The following RARG variants were observed in gnomAD, a reference collection of about 807,000 sequenced individuals.
RARG encodes RAR-gamma.
In RARG, 17 loss-of-function variants were observed where a neutral mutation model predicts 43.7. The ratio of observed to expected loss-of-function variants is 0.39; its 90% CI spans 0.27 to 0.58. RARG has a LOEUF of 0.58. RARG is among the 20% of genes least tolerant of loss of function. The probability of loss-of-function intolerance (pLI) is 0.57; values close to 1 mark genes in which losing one functional copy is unlikely to be tolerated. For missense variants in RARG, 346 were observed against 598.7 expected, an observed-to-expected ratio of 0.58 and a Z score of 4.40; for synonymous variants, 238 against 236.4, an observed-to-expected ratio of 1.01 and a Z score of -0.06.
At position 53,215,167 on chromosome 12, in the gene RARG, G is replaced by GA. The variant is rs1428016097; in HGVS notation, c.475+125dup. ...CTAATCAAATAAGACTGGCCTGGGA[G>GA]AAGGCAGCACCCCAGGGCAGGCCAA... On this transcript the variant is annotated intron_variant, in intron 5 of 9. Transcript: ENST00000425354. The surrounding 1 kb of genome is among the most constrained non-coding windows in gnomAD (Gnocchi z 6.4). The GA allele has an allele frequency of 1.5e-5, 18 of 1,200,270 alleles. No homozygotes were observed. The East Asian group carries it at 4.4e-4, about 29-fold the overall frequency. The allele number at this position is 1,200,270 out of a possible 1,614,324, so 74.4% of individuals were successfully genotyped here. A position where few individuals can be genotyped will look rare whatever the true frequency, so the allele number is the denominator to read the frequency against.
intron 1 of RARG, chr12:53,231,687 G>A: frequency 5.6e-6 from 1 of 178,974 alleles, no homozygotes; most frequent in East Asian, 1.4e-4. Flanking sequence ...ATATAAGGAG[G>A]AATGCCCCCT....
Position 53,213,994 on chromosome 12 carries a change from C to A in RARG, c.813+65G>T. Reference sequence around the variant, plus strand: ...AGGGTAAGGAAATCTTTGCATGGATCAAGGAATTGTTGAGGGTCCCATATG... The same window carrying A: ...AGGGTAAGGAAATCTTTGCATGGATAAAGGAATTGTTGAGGGTCCCATATG... On this transcript the variant is annotated intron_variant, in intron 7 of 9. Transcript: ENST00000425354. The surrounding 1 kb of genome is among the most constrained non-coding windows in gnomAD (Gnocchi z 4.7). 6.6e-7 allele frequency: 1 copy of A among 1,519,018 alleles called. No individual in the cohort carries two copies. Among genetic ancestry groups the A allele is most frequent in the South Asian group, 1.2e-5 (1 of 82,926 alleles). The allele number at this position is 1,519,018 out of a possible 1,614,324, so 94.1% of individuals were successfully genotyped here.
intron 7 of RARG, 30 bp downstream of exon 7, chr12:53,214,029 C>G (rs1289789414): frequency 6.3e-7 from 1 of 1,594,194 alleles, no homozygotes. Flanking sequence ...GTGGGTCGGG[C>G]TGTGGCAGGA....
intron 2 of RARG, chr12:53,229,751 G>C (rs1348628052): frequency 6.1e-6 from 1 of 162,644 alleles, no homozygotes; most frequent in Non-Finnish European, 1.3e-5. Flanking sequence ...AGCTACTAGA[G>C]GACTCCCCCA....
chr12:53,211,472 C>T lies in RARG; in HGVS notation c.*204G>A. On this transcript the variant is annotated 3_prime_UTR_variant, in exon 10 of 10. Coordinates refer to ENST00000425354, the MANE Select transcript of RARG (RefSeq NM_000966.6). The surrounding 1 kb of genome is among the most constrained non-coding windows in gnomAD (Gnocchi z 4.6). ...TCTCCTGGTGGGAGCAGGGCAGGCCCCCGGGACTGGCGAGGGAGCCGGTTA... is the reference window on the plus strand; with the variant it reads ...TCTCCTGGTGGGAGCAGGGCAGGCCTCCGGGACTGGCGAGGGAGCCGGTTA... 2.2e-6 allele frequency: 1 copy of T among 463,090 alleles called. No homozygotes were observed. Among genetic ancestry groups the T allele is most frequent in the South Asian group, 4.6e-5 (1 of 21,512 alleles). 28.7% of individuals were successfully genotyped at this position (463,090 alleles called of 1,614,324 possible).
chr12:53,231,495 C>T (rs2120752300), intron 1 of RARG: 1 of 152,402 alleles, frequency 6.6e-6, no homozygotes, highest in South Asian at 2.1e-4. Context: ...GAGGGCCAGG[C>T]TCACTTGCCT....
chr12:53,223,549 T>A (rs1943035772), intron 3 of RARG, among the ~76,000 whole-genome samples: 1 of 126,478 alleles, frequency 7.9e-6, no homozygotes. Flanking sequence ...AGAGGTTTCC[T>A]GTTGCAATCA....
chr12:53,217,978 TATTAC>T (rs1942825227), intron 3 of RARG, among the ~76,000 whole-genome samples: 1 of 151,940 alleles, frequency 6.6e-6, no homozygotes, highest in South Asian at 2.1e-4. Context: ...AAAGCAGGCA[TATTAC>T]AATGGGATCC....
chr12:53,219,996 G>T, intron 3 of RARG: 9 of 1,523,012 alleles, frequency 5.9e-6, no homozygotes, highest in Non-Finnish European at 7.9e-6. Context: ...CAAGTCCGGC[G>T]AAACAGGAGC....
Position 53,227,462 on chromosome 12 carries a change from G to T in RARG, c.84C>A (p.Ala28=). The change falls in exon 3 of 10, where the codon GCC becomes GCA. Residue 28 remains alanine (A), a synonymous_variant. Transcript: ENST00000425354. This position sits in a 1 kb window ranked among gnomAD's most constrained non-coding sequence, Gnocchi z 4.3. The part of the protein sequence containing the change: ...SGYPGAGFPF[A]FPGALRGSPP... ...GAGACCCCCTGAGTGCCCCTGGGAA[G>T]GCGAAGGGGAAACCTGCCCCTGGGT... The T allele has an allele frequency of 6.2e-7, 1 of 1,610,510 alleles. No homozygotes were observed. Among genetic ancestry groups the T allele is most frequent in the Non-Finnish European group, 8.5e-7 (1 of 1,178,554 alleles).
At position 53,227,571 on chromosome 12, in the gene RARG, G is replaced by A; in HGVS notation, c.-26C>T. 6.6e-7 allele frequency: 1 copy of A among 1,507,530 alleles called. No homozygotes were observed. The highest frequency in any genetic ancestry group is 1.4e-5 in the African/African-American group (1 of 71,198). The allele number at this position is 1,507,530 out of a possible 1,614,324, so 93.4% of individuals were successfully genotyped here. On this transcript the variant is annotated 5_prime_UTR_variant, in exon 3 of 10. Coordinates refer to ENST00000425354, the MANE Select transcript of RARG (RefSeq NM_000966.6). This position sits in a 1 kb window ranked among gnomAD's most constrained non-coding sequence, Gnocchi z 4.3. Reference sequence around the variant, plus strand: ...GGCAGCTGCGGTGTGAGAGTCCCCTGGGGTCTGCAGTGGGCGGGCGAGGTC... The same window carrying A: ...GGCAGCTGCGGTGTGAGAGTCCCCTAGGGTCTGCAGTGGGCGGGCGAGGTC...
chr12:53,230,139 A>C, intron 2 of RARG: 2 of 239,464 alleles, frequency 8.4e-6, no homozygotes, highest in Non-Finnish European at 1.4e-5. Context: ...AGGAAGTCCT[A>C]AACTGAGGCC....
chr12:53,212,106 C>A (rs767209071), intron 9 of RARG, among the ~76,000 whole-genome samples: 1 of 152,238 alleles, frequency 6.6e-6, no homozygotes, highest in Non-Finnish European at 1.5e-5. Flanking sequence ...TTCTTTCAGG[C>A]TGTCTCTTCA....
Position 53,213,622 on chromosome 12 carries a change from G to A in RARG, c.892C>T (p.Gln298Ter). 6.2e-7 allele frequency: 1 copy of A among 1,614,088 alleles called. No individual in the cohort carries two copies. The highest frequency in any genetic ancestry group is 8.5e-7 in the Non-Finnish European group (1 of 1,179,932). Residue 298 changes from glutamine to a stop codon, truncating the protein, a stop_gained, in exon 8 of 10, where the codon CAG becomes TAG. Coordinates refer to ENST00000425354, the MANE Select transcript of RARG (RefSeq NM_000966.6). LOFTEE classifies it high-confidence loss of function. The surrounding 1 kb of genome is among the most constrained non-coding windows in gnomAD (Gnocchi z 4.7). Reference sequence around the variant, plus strand: ...GGCCCGAAGCCGGCATTGTGCATCTGGGTCCGGTTCAGGGTCAGCCCGTCG... The same window carrying A: ...GGCCCGAAGCCGGCATTGTGCATCTAGGTCCGGTTCAGGGTCAGCCCGTCG... ...FSDGLTLNRT[Q>*]MHNAGFGPLT...
At chr12:53,216,855 C>T (rs935670568) in intron 3 of RARG, among the ~76,000 whole-genome samples, 8 of 118,036 alleles carry the variant, frequency 6.8e-5, no homozygotes, top group African/African-American at 2.9e-4. Flanking sequence ...CGCGCGCGCG[C>T]GCGCGCGTGT....
chr12:53,220,248 G>T, intron 3 of RARG: 2 of 1,480,174 alleles, frequency 1.4e-6, no homozygotes, highest in Non-Finnish European at 1.8e-6. Context: ...GTAAGGGGTG[G>T]GCGGGGAAGA....
At chr12:53,220,483 A>G in intron 3 of RARG, 1 of 530,278 alleles carries the variant, frequency 1.9e-6, no homozygotes, top group Non-Finnish European at 2.9e-6. Context: ...ACATACGTAC[A>G]CTCGCTCCGC....
chr12:53,222,480 A>G (rs891704621), intron 3 of RARG, among the ~76,000 whole-genome samples: 7 of 152,110 alleles, frequency 4.6e-5, no homozygotes, highest in African/African-American at 1.4e-4. Context: ...AAAGGTCCCA[A>G]TTAAGTCAGG....
rs1942735121 is a variant in RARG at position 53,215,471 on chromosome 12, CAATGCTGGGAGTACCAG to C, written c.334-54_334-38del. The C allele has an allele frequency of 6.2e-7, 1 of 1,612,756 alleles. No homozygotes were observed. The highest frequency in any genetic ancestry group is 8.5e-7 in the Non-Finnish European group (1 of 1,179,236). ...GGAAAGAGAGAGGGCCTCTGAAGCACAATGCTGGGAGTACCAGCCTCTCACTGGCCTTGCAGGTTGCC... is the reference window on the plus strand; with the variant it reads ...GGAAAGAGAGAGGGCCTCTGAAGCACCCTCTCACTGGCCTTGCAGGTTGCC... On this transcript the variant is annotated intron_variant, in intron 4 of 9. Coordinates refer to ENST00000425354, the MANE Select transcript of RARG (RefSeq NM_000966.6). The surrounding 1 kb of genome is among the most constrained non-coding windows in gnomAD (Gnocchi z 6.4).
Sources: allele counts gnomAD v4.1 joint callset (sites outside exome capture counted in the v4.1 genomes callset), GRCh38; gene constraint gnomAD v4.1.1; non-coding constraint Gnocchi (gnomAD v3.1); transcripts MANE v1.5; gene names NCBI Gene and HGNC (gene_info 2026-07-23, HGNC 2026-07-21).